Variants in SLC38A11 observed in about 807,000 individuals in gnomAD.
The protein encoded by SLC38A11 is solute carrier family 38 member 11.
SLC38A11 carries 51 observed loss-of-function variants against 49.4 expected under a neutral mutation model. That is an observed-to-expected ratio of 1.03 (90% CI 0.83 to 1.30). SLC38A11 has a LOEUF of 1.30. Ranked by LOEUF, SLC38A11 falls within the 50% of genes most tolerant of loss-of-function variation. SLC38A11 has a pLI of 0.00. For synonymous variants in SLC38A11, 203 were observed against 192.9 expected (o/e 1.05, Z -0.43); for missense variants, 574 against 556.2 (o/e 1.03, Z -0.32).
intron 4 of SLC38A11, among the ~76,000 whole-genome samples, chr2:164,945,261 T>TC (rs1574001541): frequency 6.6e-6 from 1 of 152,034 alleles, no homozygotes; most frequent in Non-Finnish European, 1.5e-5. Context: ...TTTGCTTTTT[T>TC]TTTTTTTTTT....
chr2:164,925,639 G>C (rs1179832384), intron 7 of SLC38A11, among the ~76,000 whole-genome samples: 1 of 151,894 alleles, frequency 6.6e-6, no homozygotes, highest in Non-Finnish European at 1.5e-5. Flanking sequence ...TCCTATCCTG[G>C]TAAATAACAT....
chr2:164,935,738 C>T (rs1007858829), intron 7 of SLC38A11, among the ~76,000 whole-genome samples: 11 of 151,912 alleles, frequency 7.2e-5, no homozygotes, highest in Admixed American at 2.0e-4. Flanking sequence ...AATTGAATTG[C>T]GTCCCTCCGA....
chr2:164,904,861 A>T (rs1165630373), intron 11 of SLC38A11, among the ~76,000 whole-genome samples: 1 of 152,186 alleles, frequency 6.6e-6, no homozygotes. Flanking sequence ...TAATTATTTT[A>T]CATAATTTAA....
chr2:164,936,261 C>T (rs10170577), intron 7 of SLC38A11, among the ~76,000 whole-genome samples: 114,024 of 152,050 alleles, frequency 0.75, 43,127 homozygotes, highest in East Asian at 1. Context: ...GGATATTTAA[C>T]AGATATTTCA....
intron 7 of SLC38A11, among the ~76,000 whole-genome samples, chr2:164,926,921 GTTAA>G (rs1686640571): frequency 1.3e-5 from 2 of 150,796 alleles, no homozygotes; most frequent in Non-Finnish European, 3.0e-5. Flanking sequence ...TAAATGACGA[GTTAA>G]TGGGTGCAGC....
chr2:164,931,504 G>A (rs1309162426), intron 7 of SLC38A11, among the ~76,000 whole-genome samples: 4 of 151,850 alleles, frequency 2.6e-5, no homozygotes, highest in South Asian at 2.1e-4. Flanking sequence ...GAGGCATCAC[G>A]CTACCCAACT....
Position 164,937,351 on chromosome 2 carries a change from T to C in SLC38A11, c.616A>G (p.Ile206Val), listed in dbSNP as rs901248149. 4.4e-6 allele frequency: 7 copies of C among 1,600,522 alleles called. No individual in the cohort carries two copies. In the Admixed American group the frequency reaches 5.0e-5, roughly 11 times the overall value. ...GACAAATATAACAACATAACTTACATGTGTGGACCCAGTGAAATTGCCCTT... is the reference window on the plus strand; with the variant it reads ...GACAAATATAACAACATAACTTACACGTGTGGACCCAGTGAAATTGCCCTT... Reference protein sequence around the residue: ...MARAISLGPHIPKTEDAWVFA... With the variant: ...MARAISLGPHVPKTEDAWVFA... Residue 206 changes from isoleucine (I) to valine (V), a missense_variant and splice_region_variant, in exon 7 of 12, where the codon ATA (isoleucine) becomes GTA (valine). Ile to Val is a conservative substitution (Grantham distance 29). Coordinates refer to ENST00000685975, the MANE Select transcript of SLC38A11 (RefSeq NM_001351537.2).
chr2:164,905,120 T>TTC (rs1406251084), intron 11 of SLC38A11, among the ~76,000 whole-genome samples: 1 of 93,472 alleles, frequency 1.1e-5, no homozygotes, highest in East Asian at 3.1e-4. Flanking sequence ...ATTATTATTC[T>TTC]TTTTTTTTAT....
chr2:164,945,655 T>C lies in SLC38A11; in HGVS notation c.302A>G (p.Lys101Arg), dbSNP rs373881534. 21 of 1,612,178 alleles carry C rather than the reference T, an allele frequency of 1.3e-5. No homozygotes were observed. In the African/African-American group the frequency reaches 1.3e-4, roughly 10 times the overall value. ...GTDTYQSLVNKTFGFPGYLLL... is the reference protein window; with the variant it reads ...GTDTYQSLVNRTFGFPGYLLL... ...CAGATACCCTGGAAAGCCGAAAGTT[T>C]TATTGACCAAAGACTGGTAGGTATC... Residue 101 changes from lysine to arginine, a missense_variant, in exon 4 of 12, where the codon AAA (lysine) becomes AGA (arginine). Coordinates refer to ENST00000685975, the MANE Select transcript of SLC38A11 (RefSeq NM_001351537.2).
intron 11 of SLC38A11, chr2:164,908,213 A>T (rs1685150409): frequency 6.6e-6 from 1 of 152,252 alleles, no homozygotes; most frequent in Non-Finnish European, 1.5e-5. Flanking sequence ...GCAAAGTCCA[A>T]ATCCACTTAA....
At position 164,946,564 on chromosome 2, in the gene SLC38A11, C is replaced by CAAA. The variant is rs34775521; in HGVS notation, c.230-840_230-838dup. On this transcript the variant is annotated intron_variant, in intron 3 of 11. Transcript: ENST00000685975. Reference sequence around the variant, plus strand: ...TTGGCAACACAGCGAGACTCCCTCTCAAAAAAAAAAAAAAAAAAAAATTTG... The same window carrying CAAA: ...TTGGCAACACAGCGAGACTCCCTCTCAAAAAAAAAAAAAAAAAAAAAAAATTTG... Among the ~76,000 whole-genome samples the CAAA allele has an allele frequency of 1.4e-3, 151 of 106,522 alleles. 1 individual carries two copies. The highest frequency in any genetic ancestry group is 0.014 in the Middle Eastern group (3 of 214). The allele number at this position is 106,522 out of a possible 152,430, so 69.9% of individuals were successfully genotyped here. A position where few individuals can be genotyped will look rare whatever the true frequency, so the allele number is the denominator to read the frequency against.
At position 164,937,413 on chromosome 2, in the gene SLC38A11, G is replaced by A. The variant is rs991081748; in HGVS notation, c.554C>T (p.Thr185Ile). 1.9e-5 allele frequency: 30 copies of A among 1,609,210 alleles called. No individual in the cohort carries two copies. The highest frequency in any genetic ancestry group is 2.3e-5 in the Non-Finnish European group (27 of 1,176,122). Reference sequence around the variant, plus strand: ...TCCAAGAATCAGAGTTGTTAAACCTGTAGAGATGAGGGAGACCTGTAAAAG... The same window carrying A: ...TCCAAGAATCAGAGTTGTTAAACCTATAGAGATGAGGGAGACCTGTAAAAG... ...AKLGKVSLIS[T>I]GLTTLILGIV... The change falls in exon 7 of 12, where the codon ACA (threonine) becomes ATA (isoleucine). Residue 185 changes from threonine (T) to isoleucine (I), a missense_variant. Coordinates refer to ENST00000685975, the MANE Select transcript of SLC38A11 (RefSeq NM_001351537.2).
chr2:164,921,256 A>T (rs1216057456), intron 7 of SLC38A11, among the ~76,000 whole-genome samples: 1 of 152,136 alleles, frequency 6.6e-6, no homozygotes, highest in African/African-American at 2.4e-5. Context: ...TTTTGGTAGG[A>T]GGCTACTCTA....
intron 7 of SLC38A11, among the ~76,000 whole-genome samples, chr2:164,928,980 T>C (rs1686790298): frequency 6.6e-6 from 1 of 152,148 alleles, no homozygotes; most frequent in Non-Finnish European, 1.5e-5. Context: ...ACTTAGTCTA[T>C]GTCACATGTT....
chr2:164,922,728 A>G (rs2105474063), intron 7 of SLC38A11, among the ~76,000 whole-genome samples: 1 of 152,342 alleles, frequency 6.6e-6, no homozygotes, highest in South Asian at 2.1e-4. Flanking sequence ...AAAAACTATT[A>G]TGAAATTCGT....
chr2:164,945,815 A>T (rs1249518421), intron 3 of SLC38A11, 88 bp from the exon 4 acceptor site: 1 of 1,452,442 alleles, frequency 6.9e-7, no homozygotes, highest in African/African-American at 1.4e-5. Context: ...AGAAAAGGGG[A>T]AATTTTAAAG....
chr2:164,936,492 A>G (rs955927233), intron 7 of SLC38A11, among the ~76,000 whole-genome samples: 4 of 152,144 alleles, frequency 2.6e-5, no homozygotes, highest in Admixed American at 6.5e-5. Flanking sequence ...TATTCCTTGC[A>G]TTGTGCTAAA....
rs536908277 is a variant in SLC38A11, at chr2:164,898,379, C to T, written c.*58G>A. The stretch of plus-strand genomic sequence containing the variant: ...TAACATAAATACAGACTAAAGCAAG[C>T]GTAAATGTTATGTGTTTTAAAGTCT... On this transcript the variant is annotated 3_prime_UTR_variant, in exon 12 of 12. Coordinates refer to ENST00000685975, the MANE Select transcript of SLC38A11 (RefSeq NM_001351537.2). 1.3e-5 allele frequency: 16 copies of T among 1,251,478 alleles called. No homozygotes were observed. Among genetic ancestry groups the T allele is most frequent in the South Asian group, 7.0e-5 (5 of 71,266 alleles). 77.5% of individuals were successfully genotyped at this position (1,251,478 alleles called of 1,614,324 possible).
intron 5 of SLC38A11, among the ~76,000 whole-genome samples, chr2:164,940,760 A>G (rs990674476): frequency 1.3e-5 from 2 of 150,544 alleles, no homozygotes; most frequent in East Asian, 1.9e-4. Context: ...GTATATATAT[A>G]TGTGTATGTG....
Sources: gnomAD v4.1 joint callset for allele counts (sites outside exome capture counted in the v4.1 genomes callset) on GRCh38, gnomAD v4.1.1 for gene constraint, MANE v1.5 for transcripts, NCBI Gene and HGNC (gene_info 2026-07-23, HGNC 2026-07-21) for gene names.